Variants in FAM3C observed in about 807,000 individuals in gnomAD.
FAM3C encodes protein FAM3C.
In FAM3C, 15 loss-of-function variants were observed where a neutral mutation model predicts 32.5. That is an observed-to-expected ratio of 0.46 (90% CI 0.31 to 0.71). The LOEUF is 0.71. Among genes scored for constraint, FAM3C ranks in the 30% least tolerant of loss-of-function variants. FAM3C has a pLI of 0.05. For synonymous variants in FAM3C, 75 were observed against 86.1 expected (o/e 0.87, Z 0.72); for missense variants, 175 against 274.4 (o/e 0.64, Z 2.56).
intron 8 of FAM3C, among the ~76,000 whole-genome samples, chr7:121,357,271 A>G (rs564899909): frequency 5.9e-5 from 9 of 152,140 alleles, no homozygotes; most frequent in Non-Finnish European, 1.3e-4. Flanking sequence ...TCTGGTTAAC[A>G]TGCCACCCAA....
chr7:121,354,545 T>A (rs1326538139), intron 8 of FAM3C, among the ~76,000 whole-genome samples: 2 of 152,162 alleles, frequency 1.3e-5, no homozygotes, highest in Non-Finnish European at 2.9e-5. Flanking sequence ...CATCGGATAG[T>A]CCTACAGTTG....
chr7:121,359,989 T>C, intron 8 of FAM3C, 54 bp downstream of exon 8: 1 of 926,674 alleles, frequency 1.1e-6, no homozygotes. Flanking sequence ...TGAAAATGTA[T>C]TGCTTTTATA....
chr7:121,357,220 CGA>C lies in FAM3C; in HGVS notation c.467+2821_467+2822del, dbSNP rs150251427. ...TAAGAGAAACTAGGATCAGAGACGA[CGA>C]GAGAGAGAGAGTGAGTGAGTCAGCT... On this transcript the variant is annotated intron_variant, in intron 8 of 9. Transcript: ENST00000359943. 2.0e-5 allele frequency among the ~76,000 whole-genome samples: 3 copies of C among 151,776 alleles called. No individual in the cohort carries two copies. In the East Asian group the frequency reaches 5.8e-4, roughly 29 times the overall value.
intron 3 of FAM3C, among the ~76,000 whole-genome samples, chr7:121,375,943 T>C (rs763122846): frequency 1.3e-5 from 2 of 152,194 alleles, no homozygotes; most frequent in Non-Finnish European, 2.9e-5. Context: ...GCAACTTGCT[T>C]TTGAGTCAAG....
chr7:121,366,172 A>G (rs1217021246), intron 5 of FAM3C, among the ~76,000 whole-genome samples: 1 of 152,226 alleles, frequency 6.6e-6, no homozygotes, highest in South Asian at 2.1e-4. Flanking sequence ...GTTACCACCT[A>G]AAACAAAATC....
intron 8 of FAM3C, among the ~76,000 whole-genome samples, chr7:121,356,531 T>C (rs1793812840): frequency 6.6e-6 from 1 of 152,218 alleles, no homozygotes; most frequent in African/African-American, 2.4e-5. Flanking sequence ...TCTGAGAATG[T>C]AACACTGTAC....
chr7:121,382,110 G>C (rs1470630585), intron 2 of FAM3C, among the ~76,000 whole-genome samples: 1 of 152,108 alleles, frequency 6.6e-6, no homozygotes, highest in Non-Finnish European at 1.5e-5. Context: ...TCCATGTAAA[G>C]TATGCATTTC....
At chr7:121,360,251 C>A in intron 7 of FAM3C, 124 bp from the exon 8 acceptor site, 4 of 592,060 alleles carry the variant, frequency 6.8e-6, no homozygotes, top group South Asian at 2.2e-5. Flanking sequence ...GTAAAGTAAT[C>A]CAAAAGACAG....
intron 8 of FAM3C, among the ~76,000 whole-genome samples, chr7:121,353,928 G>C (rs1349774473): frequency 6.6e-6 from 1 of 152,142 alleles, no homozygotes; most frequent in Non-Finnish European, 1.5e-5. Context: ...GTCAAAACTG[G>C]GAGTGGTTTG....
chr7:121,371,768 T>C (rs1794152243), intron 4 of FAM3C, among the ~76,000 whole-genome samples: 1 of 152,176 alleles, frequency 6.6e-6, no homozygotes, highest in South Asian at 2.1e-4. Flanking sequence ...GTTCTGAATG[T>C]TACTTTGCAC....
At chr7:121,385,829 G>A (rs993560542) in intron 1 of FAM3C, among the ~76,000 whole-genome samples, 1 of 152,122 alleles carries the variant, frequency 6.6e-6, no homozygotes, top group Non-Finnish European at 1.5e-5. Context: ...ACTTATGTCA[G>A]TGCAATTCAC....
rs1461131451 is a variant in FAM3C at position 121,350,577 on chromosome 7, G to A, written c.595-27C>T. 4 of 1,607,874 alleles carry A rather than the reference G, an allele frequency of 2.5e-6. No homozygotes were observed. In the East Asian group the frequency reaches 6.7e-5, roughly 27 times the overall value. ...TATTGGAACACAGTAATAATATACAGTTTAAAAAACCGTTGTAAACTGCTG... is the reference window on the plus strand; with the variant it reads ...TATTGGAACACAGTAATAATATACAATTTAAAAAACCGTTGTAAACTGCTG... On this transcript the variant is annotated intron_variant, in intron 9 of 9. Coordinates refer to ENST00000359943, the MANE Select transcript of FAM3C (RefSeq NM_014888.3).
chr7:121,392,236 A>C (rs539190269), intron 1 of FAM3C, among the ~76,000 whole-genome samples: 7 of 152,320 alleles, frequency 4.6e-5, no homozygotes, highest in Middle Eastern at 6.8e-3. Context: ...CACTGTTATA[A>C]AGAAATACCC....
At chr7:121,360,899 T>C (rs1793906787) in intron 7 of FAM3C, among the ~76,000 whole-genome samples, 1 of 152,148 alleles carries the variant, frequency 6.6e-6, no homozygotes, top group African/African-American at 2.4e-5. Context: ...ATGGGTACTT[T>C]ACTAGAAAGA....
At chr7:121,392,306 G>T (rs1794592431) in intron 1 of FAM3C, among the ~76,000 whole-genome samples, 1 of 152,174 alleles carries the variant, frequency 6.6e-6, no homozygotes, top group African/African-American at 2.4e-5. Flanking sequence ...ACATGGCTGG[G>T]GAGGTGTCAG....
At chr7:121,361,076 A>AG (rs1793910826) in intron 7 of FAM3C, among the ~76,000 whole-genome samples, 1 of 152,234 alleles carries the variant, frequency 6.6e-6, no homozygotes, top group Non-Finnish European at 1.5e-5. Context: ...TGTAGCAAAT[A>AG]TTACAGTCAT....
At chr7:121,395,448 C>A (rs1453654569) in intron 1 of FAM3C, among the ~76,000 whole-genome samples, 1 of 149,030 alleles carries the variant, frequency 6.7e-6, no homozygotes, top group Non-Finnish European at 1.5e-5. Context: ...ATATTACAGG[C>A]AATAATATTT....
chr7:121,351,331 C>T, intron 8 of FAM3C, 62 bp from the exon 9 acceptor site: 1 of 1,417,276 alleles, frequency 7.1e-7, no homozygotes. Context: ...AATACTGGTT[C>T]ACTGGGATAT....
At chr7:121,393,919 T>A (rs1794632099) in intron 1 of FAM3C, among the ~76,000 whole-genome samples, 1 of 152,184 alleles carries the variant, frequency 6.6e-6, no homozygotes, top group South Asian at 2.1e-4. Flanking sequence ...TGGACTAAAT[T>A]CAAGACAAAC....
Sources: allele counts gnomAD v4.1 joint callset (sites outside exome capture counted in the v4.1 genomes callset), GRCh38; gene constraint gnomAD v4.1.1; transcripts MANE v1.5; gene names NCBI Gene and HGNC (gene_info 2026-07-23, HGNC 2026-07-21).